RBM22: variants seen among roughly 807,000 people sequenced by gnomAD.
The protein encoded by RBM22 is pre-mRNA-splicing factor RBM22.
Under a neutral mutation model 50.1 loss-of-function variants are expected in RBM22, and 1 was observed. That is an observed-to-expected ratio of 0.02 (90% CI 0.01 to 0.09). The LOEUF (loss-of-function observed/expected upper bound fraction) is 0.09. Among genes scored for constraint, RBM22 ranks in the 10% least tolerant of loss-of-function variants. RBM22 has a pLI of 1.00. For missense variants in RBM22, 264 were observed against 529.3 expected (o/e 0.50, Z 4.92); for synonymous variants, 152 against 179.0 (o/e 0.85, Z 1.20).
rs1263741406 is a variant in RBM22, at chr5:150,696,931, T to A, written c.272-40A>T. 4 of 1,571,612 alleles carry A rather than the reference T, an allele frequency of 2.5e-6. No homozygotes were observed. The East Asian group carries it at 6.7e-5, about 26-fold the overall frequency. On this transcript the variant is annotated intron_variant, in intron 4 of 10. Coordinates refer to ENST00000199814, the MANE Select transcript of RBM22 (RefSeq NM_018047.3). The surrounding 1 kb of genome is among the most constrained non-coding windows in gnomAD (Gnocchi z 4.3). Reference sequence around the variant, plus strand: ...GAGGAAAAAGACCTCAGATGTATTTTAAAACATATCCATACTAACCATGCA... The same window carrying A: ...GAGGAAAAAGACCTCAGATGTATTTAAAAACATATCCATACTAACCATGCA...
chr5:150,694,512 A>G, intron 7 of RBM22: 1 of 384,324 alleles, frequency 2.6e-6, no homozygotes, highest in Non-Finnish European at 4.5e-6. Context: ...AGGTTCTTTA[A>G]AGACCCTAAA....
intron 7 of RBM22, chr5:150,694,728 G>C (rs1759252844): frequency 6.5e-6 from 1 of 153,126 alleles, no homozygotes; most frequent in Admixed American, 6.5e-5. Flanking sequence ...CCAAGGGCAG[G>C]TTATAAACTT....
In RBM22 at chr5:150,696,015, C is replaced by T. The variant is rs1759272106; in HGVS notation, c.546-309G>A. Among the ~76,000 whole-genome samples, 1 of 149,294 alleles carries T rather than the reference C, an allele frequency of 6.7e-6. No homozygotes were observed. On this transcript the variant is annotated intron_variant, in intron 6 of 10. Transcript: ENST00000199814. The surrounding 1 kb of genome is among the most constrained non-coding windows in gnomAD (Gnocchi z 4.3). ...CCCCCCAGAAAGGGACACATGATTA[C>T]CCCTCTCTAGGTCAATGATTCTTAA...
rs75654225 is a variant in RBM22, at chr5:150,701,061, C to T, written c.-76G>A. Reference sequence around the variant, plus strand: ...GCCACAATCCCGTCAAGCCCCGAGGCTAGCGCCGCGCCGGTCGGCGTCTTA... The same window carrying T: ...GCCACAATCCCGTCAAGCCCCGAGGTTAGCGCCGCGCCGGTCGGCGTCTTA... On this transcript the variant is annotated 5_prime_UTR_variant, in exon 1 of 11. Transcript: ENST00000199814. 9.4e-6 allele frequency: 15 copies of T among 1,597,932 alleles called. No individual in the cohort carries two copies. In the South Asian group the frequency reaches 9.9e-5, roughly 11 times the overall value.
In RBM22 at chr5:150,696,417, C is replaced by T. The variant is rs1759276957; in HGVS notation, c.545+116G>A. ...CATAGTTCTAAGACATGAGGTATAC[C>T]ACATTAGTTGTATGACCTTTAGATT... On this transcript the variant is annotated intron_variant, in intron 6 of 10. Coordinates refer to ENST00000199814, the MANE Select transcript of RBM22 (RefSeq NM_018047.3). The surrounding 1 kb of genome is among the most constrained non-coding windows in gnomAD (Gnocchi z 4.3). The T allele has an allele frequency of 8.9e-7, 1 of 1,127,154 alleles. No homozygotes were observed. The highest frequency in any genetic ancestry group is 2.4e-5 in the East Asian group (1 of 42,072). The allele number at this position is 1,127,154 out of a possible 1,614,324, so 69.8% of individuals were successfully genotyped here. A position where few individuals can be genotyped will look rare whatever the true frequency, so the allele number is the denominator to read the frequency against.
intron 10 of RBM22, among the ~76,000 whole-genome samples, chr5:150,692,629 A>C (rs751424105): frequency 3.3e-5 from 5 of 152,268 alleles, no homozygotes; most frequent in South Asian, 2.1e-4. Context: ...AGTTTAGAAA[A>C]GGGAACAAAT....
chr5:150,700,606 G>A, intron 1 of RBM22, 109 bp from the exon 2 acceptor site: 1 of 1,569,236 alleles, frequency 6.4e-7, no homozygotes, highest in Non-Finnish European at 8.6e-7. Context: ...AACTAGGCAC[G>A]GCAGGAACCC....
At chr5:150,693,980 T>TAAA in intron 8 of RBM22, 96 bp downstream of exon 8, 1 of 1,435,288 alleles carries the variant, frequency 7.0e-7, no homozygotes, top group Non-Finnish European at 9.5e-7. Context: ...CCTGTTCATT[T>TAAA]AAGCCTGTTA....
chr5:150,694,157 C>A lies in RBM22; in HGVS notation c.830G>T (p.Arg277Leu). 2 of 1,614,220 alleles carry A rather than the reference C, an allele frequency of 1.2e-6. No individual in the cohort carries two copies. The highest frequency in any genetic ancestry group is 1.7e-6 in the Non-Finnish European group (2 of 1,180,046). ...CTCAGCAGCCACTTCTGCAGCCTGCCGTGTGGCAAACTGGATGAAAGCACA... is the reference window on the plus strand; with the variant it reads ...CTCAGCAGCCACTTCTGCAGCCTGCAGTGTGGCAAACTGGATGAAAGCACA... ...QQCAFIQFAT[R>L]QAAEVAAEKS... The change falls in exon 8 of 11, where the codon CGG becomes CTG. Residue 277 changes from arginine to leucine, a missense_variant. Arg to Leu is a moderately radical substitution (Grantham distance 102). Transcript: ENST00000199814.
intron 2 of RBM22, among the ~76,000 whole-genome samples, chr5:150,699,912 C>T (rs1759323508): frequency 6.6e-6 from 1 of 152,326 alleles, no homozygotes; most frequent in Middle Eastern, 3.4e-3. Flanking sequence ...ACATCGTGAA[C>T]ATACTAACAT....
chr5:150,700,741 A>T, intron 1 of RBM22, 191 bp downstream of exon 1: 1 of 1,539,084 alleles, frequency 6.5e-7, no homozygotes, highest in Non-Finnish European at 8.7e-7. Flanking sequence ...TGGTCCCGGG[A>T]CCCTGGCTAA....
In RBM22 at chr5:150,692,961, C is replaced by T; in HGVS notation, c.1066G>A (p.Gly356Ser). Residue 356 changes from glycine to serine, a missense_variant, in exon 10 of 11, where the codon GGT becomes AGT. Gly to Ser is a moderately conservative substitution (Grantham distance 56). Transcript: ENST00000199814. Reference protein sequence around the residue: ...SANYFNLPPSGPPAVVNIALP... With the variant: ...SANYFNLPPSSPPAVVNIALP... ...GCAATGTTCACCACAGCTGGAGGACCACTTGGGGGCAAGTTGAAGTAGTTG... is the reference window on the plus strand; with the variant it reads ...GCAATGTTCACCACAGCTGGAGGACTACTTGGGGGCAAGTTGAAGTAGTTG... 4 of 1,613,226 alleles carry T rather than the reference C, an allele frequency of 2.5e-6. No homozygotes were observed. The highest frequency in any genetic ancestry group is 3.4e-6 in the Non-Finnish European group (4 of 1,179,494).
In RBM22 at chr5:150,696,982, T is replaced by C; in HGVS notation, c.272-91A>G. The C allele has an allele frequency of 8.2e-7, 1 of 1,222,656 alleles. No homozygotes were observed. The highest frequency in any genetic ancestry group is 1.2e-6 in the Non-Finnish European group (1 of 846,350). The allele number at this position is 1,222,656 out of a possible 1,614,324, so 75.7% of individuals were successfully genotyped here. A position where few individuals can be genotyped will look rare whatever the true frequency, so the allele number is the denominator to read the frequency against. On this transcript the variant is annotated intron_variant, in intron 4 of 10. Coordinates refer to ENST00000199814, the MANE Select transcript of RBM22 (RefSeq NM_018047.3). This position sits in a 1 kb window ranked among gnomAD's most constrained non-coding sequence, Gnocchi z 4.3. ...CACAGAATACATCATCTTTCCCTTC[T>C]CCTCTTTCCTATTTAGTACCAGAGA... is the stretch of plus-strand genomic sequence containing the variant.
Position 150,700,913 on chromosome 5 carries a change from C to G in RBM22, c.54+19G>C. 6.2e-7 allele frequency: 1 copy of G among 1,614,216 alleles called. No individual in the cohort carries two copies. Among genetic ancestry groups the G allele is most frequent in the Non-Finnish European group, 8.5e-7 (1 of 1,180,028 alleles). ...GGCTTCGCCTCCTCCTTCCATCCTCCTCCGGCAGGCACACTCACCGCATCC... is the reference window on the plus strand; with the variant it reads ...GGCTTCGCCTCCTCCTTCCATCCTCGTCCGGCAGGCACACTCACCGCATCC... On this transcript the variant is annotated intron_variant, in intron 1 of 10. Transcript: ENST00000199814.
At position 150,691,370 on chromosome 5, in the gene RBM22, G is replaced by A. The variant is rs540830756; in HGVS notation, c.*381C>T. 1.9e-5 allele frequency: 3 copies of A among 156,996 alleles called. No homozygotes were observed. The East Asian group carries it at 5.4e-4, about 28-fold the overall frequency. 9.7% of individuals were successfully genotyped at this position (156,996 alleles called of 1,614,324 possible). On this transcript the variant is annotated 3_prime_UTR_variant, in exon 11 of 11. Transcript: ENST00000199814. ...GAAAGTATCCAATGGACATAAAAAT[G>A]GTCAAAGGTTTTTTTACTGCAGGTC... is the stretch of plus-strand genomic sequence containing the variant.
Position 150,697,854 on chromosome 5 carries a change from T to C in RBM22, c.271+645A>G, listed in dbSNP as rs1759296803. ...TCTGAAACAGTAGCAATATATCAGT[T>C]CTAACAACACAATTGAAATAAAAGT... On this transcript the variant is annotated intron_variant, in intron 4 of 10. Transcript: ENST00000199814. 4 of 214,354 alleles carry C rather than the reference T, an allele frequency of 1.9e-5. No individual in the cohort carries two copies. In the South Asian group the frequency reaches 1.9e-4, roughly 10 times the overall value. 13.3% of individuals were successfully genotyped at this position (214,354 alleles called of 1,614,324 possible). A position where few individuals can be genotyped will look rare whatever the true frequency, so the allele number is the denominator to read the frequency against.
In RBM22 at chr5:150,691,571, G is replaced by T. The variant is rs984969172; in HGVS notation, c.*180C>A. On this transcript the variant is annotated 3_prime_UTR_variant, in exon 11 of 11. Coordinates refer to ENST00000199814, the MANE Select transcript of RBM22 (RefSeq NM_018047.3). ...GATGTGTTAATGGCAGCTTATTTAC[G>T]GTCCATCGATCCTTTGAACAAGTAT... 20 of 682,486 alleles carry T rather than the reference G, an allele frequency of 2.9e-5. No homozygotes were observed. Among genetic ancestry groups the T allele is most frequent in the African/African-American group, 5.5e-5 (3 of 54,482 alleles). 42.3% of individuals were successfully genotyped at this position (682,486 alleles called of 1,614,324 possible).
intron 2 of RBM22, 82 bp from the exon 3 acceptor site, chr5:150,699,353 C>T (rs1009333303): frequency 1.8e-5 from 27 of 1,463,322 alleles, no homozygotes; most frequent in African/African-American, 1.7e-4. Flanking sequence ...AAACATAACC[C>T]AAGAAATGTG....
Position 150,700,434 on chromosome 5 carries a change from G to T in RBM22, c.108+10C>A, listed in dbSNP as rs1486605008. On this transcript the variant is annotated intron_variant, in intron 2 of 10. Transcript: ENST00000199814. ...GACATGAATAACTCGTTTCACACGCGATCACTCACCATTCGGATATATGGG... is the reference window on the plus strand; with the variant it reads ...GACATGAATAACTCGTTTCACACGCTATCACTCACCATTCGGATATATGGG... 1.2e-6 allele frequency: 2 copies of T among 1,605,760 alleles called. No homozygotes were observed.
Sources: gnomAD v4.1 joint callset for allele counts (sites outside exome capture counted in the v4.1 genomes callset) on GRCh38, gnomAD v4.1.1 for gene constraint, Gnocchi (gnomAD v3.1) non-coding constraint, MANE v1.5 for transcripts, NCBI Gene and HGNC (gene_info 2026-07-23, HGNC 2026-07-21) for gene names.